RBFOX1: variants seen among roughly 807,000 people sequenced by gnomAD.
RBFOX1 encodes RNA binding protein fox-1 homolog 1.
Under a neutral mutation model 57.7 loss-of-function variants are expected in RBFOX1, and 8 were observed. The ratio of observed to expected loss-of-function variants is 0.14; its 90% CI spans 0.08 to 0.25. The LOEUF (loss-of-function observed/expected upper bound fraction) is 0.25, where lower values mean the gene tolerates loss of function less well. Among genes scored for constraint, RBFOX1 ranks in the 10% least tolerant of loss-of-function variants. The pLI, the probability that RBFOX1 is intolerant of heterozygous loss-of-function variation, is 1.00. For missense variants in RBFOX1, 611 were observed against 548.5 expected (o/e 1.11, Z -1.14); for synonymous variants, 326 against 222.4 (o/e 1.47, Z -4.15).
intron 1 of RBFOX1, among the ~76,000 whole-genome samples, chr16:6,077,394 G>A (rs943404933): frequency 2.6e-5 from 4 of 152,094 alleles, no homozygotes; most frequent in African/African-American, 9.7e-5. Context: ...GCACAGTTTG[G>A]GGCAAGCCTG....
intron 2 of RBFOX1, among the ~76,000 whole-genome samples, chr16:6,514,846 A>G (rs1224122669): frequency 6.6e-6 from 1 of 152,058 alleles, no homozygotes; most frequent in African/African-American, 2.4e-5. Context: ...GTAGTCATGG[A>G]GTTTCCAATA....
intron 1 of RBFOX1, among the ~76,000 whole-genome samples, chr16:5,344,392 C>G (rs150464458): frequency 3.8e-4 from 58 of 152,244 alleles, no homozygotes; most frequent in Admixed American, 2.8e-3. Flanking sequence ...GGGGATCAAG[C>G]TAAAAAAGTA....
intron 2 of RBFOX1, among the ~76,000 whole-genome samples, chr16:6,609,969 T>C (rs1185008438): frequency 2.6e-5 from 4 of 151,676 alleles, no homozygotes; most frequent in African/African-American, 7.3e-5. Context: ...GATCACGCCA[T>C]TGCACTCCAG....
intron 3 of RBFOX1, among the ~76,000 whole-genome samples, chr16:6,681,638 C>A (rs2058665719): frequency 6.8e-6 from 1 of 146,198 alleles, no homozygotes. Context: ...CATATAATCA[C>A]AATTGCCCCC....
intron 3 of RBFOX1, among the ~76,000 whole-genome samples, chr16:6,715,579 T>A (rs2154155683): frequency 6.6e-6 from 1 of 152,310 alleles, no homozygotes; most frequent in East Asian, 1.9e-4. Flanking sequence ...TCTTAAGAGC[T>A]AAGAATCCAG....
At chr16:6,025,302 C>T (rs1485990826) in intron 1 of RBFOX1, among the ~76,000 whole-genome samples, 4 of 152,180 alleles carry the variant, frequency 2.6e-5, no homozygotes, top group Admixed American at 2.0e-4. Context: ...ACTCGATTCC[C>T]CACCACCACC....
At chr16:7,305,550 A>G (rs2096160288) in intron 4 of RBFOX1, among the ~76,000 whole-genome samples, 1 of 152,218 alleles carries the variant, frequency 6.6e-6, no homozygotes, top group Non-Finnish European at 1.5e-5. Flanking sequence ...CAAGAGTACC[A>G]TTTGTTAACA....
intron 4 of RBFOX1, among the ~76,000 whole-genome samples, chr16:7,253,349 G>C (rs1333001992): frequency 6.6e-6 from 1 of 151,930 alleles, no homozygotes; most frequent in African/African-American, 2.4e-5. Context: ...GACATGTCAG[G>C]CTTTGGTTTC....
At chr16:6,080,924 T>C (rs778554396) in intron 1 of RBFOX1, among the ~76,000 whole-genome samples, 4 of 152,144 alleles carry the variant, frequency 2.6e-5, no homozygotes, top group Non-Finnish European at 4.4e-5. Flanking sequence ...AAAGACATAG[T>C]CTGCATTTGG....
chr16:7,034,827 CTT>C (rs113413414), intron 3 of RBFOX1, among the ~76,000 whole-genome samples: 5,678 of 50,624 alleles, frequency 0.11, 648 homozygotes, highest in South Asian at 0.2. Flanking sequence ...TATTGCATTA[CTT>C]TTTTTTTTTT....
chr16:7,276,807 A>AG (rs1461532951), intron 4 of RBFOX1, among the ~76,000 whole-genome samples: 1 of 152,202 alleles, frequency 6.6e-6, no homozygotes, highest in East Asian at 1.9e-4. Context: ...AATGTTCTTA[A>AG]GGATAGTCTG....
At chr16:7,045,956 C>T (rs59782063) in intron 3 of RBFOX1, among the ~76,000 whole-genome samples, 19,146 of 152,052 alleles carry the variant, frequency 0.13, 2,086 homozygotes, top group East Asian at 0.29. Context: ...CCATGCCCGG[C>T]CAAGATAAAC....
intron 4 of RBFOX1, among the ~76,000 whole-genome samples, chr16:5,984,544 A>G (rs999909801): frequency 6.6e-6 from 1 of 152,066 alleles, no homozygotes; most frequent in Non-Finnish European, 1.5e-5. Context: ...GGAATTACTT[A>G]CCTAACCCTT....
Position 7,075,153 on chromosome 16 carries a change from C to T in RBFOX1, c.27+23055C>T, listed in dbSNP as rs140884495. ...GCTGTGCAGTTGATCTTACTACAGA[C>T]AAGTTGGTTTTGTTCTGTTGCATAG... is the stretch of plus-strand genomic sequence containing the variant. On this transcript the variant is annotated intron_variant, in intron 4 of 15. Transcript: ENST00000550418. Among the ~76,000 whole-genome samples the T allele has an allele frequency of 7.3e-4, 111 of 152,320 alleles. 1 individual carries two copies. Among genetic ancestry groups the T allele is most frequent in the South Asian group, 2.9e-3 (14 of 4,826 alleles).
intron 2 of RBFOX1, among the ~76,000 whole-genome samples, chr16:6,486,628 T>TGAG (rs75323596): frequency 0.19 from 29,156 of 151,472 alleles, 2,806 homozygotes; most frequent in Middle Eastern, 0.26. Flanking sequence ...TAAAAAGAAA[T>TGAG]GAGGAAAAAG....
chr16:6,112,171 T>C (rs1163740066), intron 1 of RBFOX1, among the ~76,000 whole-genome samples: 2 of 152,308 alleles, frequency 1.3e-5, no homozygotes, highest in Middle Eastern at 3.4e-3. Flanking sequence ...TTCATTGTTA[T>C]GAAGAAGGTA....
chr16:6,257,415 TC>T, intron 1 of RBFOX1, among the ~76,000 whole-genome samples: 1 of 152,066 alleles, frequency 6.6e-6, no homozygotes, highest in African/African-American at 2.4e-5. Flanking sequence ...TTGAATTTCT[TC>T]TTCTTCTTTT....
intron 2 of RBFOX1, among the ~76,000 whole-genome samples, chr16:6,629,681 G>A (rs1418564282): frequency 6.6e-6 from 1 of 152,134 alleles, no homozygotes; most frequent in East Asian, 1.9e-4. Context: ...TTAACAGCAG[G>A]TGAGTCTTGT....
At position 6,248,378 on chromosome 16, in the gene RBFOX1, T is replaced by C. The variant is rs192392827; in HGVS notation, c.-126-68617T>C. On this transcript the variant is annotated intron_variant, in intron 1 of 15. Coordinates refer to ENST00000550418, the MANE Select transcript of RBFOX1 (RefSeq NM_018723.4). ...TATTTCACAGCCTGTCTCCCGGTGA[T>C]GTATATACTCTTTGGACAGTGTTGT... 8.4e-3 allele frequency among the ~76,000 whole-genome samples: 1,282 copies of C among 152,296 alleles called. 15 individuals carry two copies. The highest frequency in any genetic ancestry group is 0.012 in the Non-Finnish European group (811 of 68,022).
Sources: allele counts gnomAD v4.1 joint callset (sites outside exome capture counted in the v4.1 genomes callset), GRCh38; gene constraint gnomAD v4.1.1; transcripts MANE v1.5; gene names NCBI Gene and HGNC (gene_info 2026-07-23, HGNC 2026-07-21).